Variants in CADM2 observed in about 807,000 individuals in gnomAD.
The protein encoded by CADM2 is cell adhesion molecule 2.
In CADM2, 12 loss-of-function variants were observed where a neutral mutation model predicts 49.8. That is an observed-to-expected ratio of 0.24 (90% confidence interval 0.15 to 0.39). The LOEUF is 0.39. Among genes scored for constraint, CADM2 ranks in the 10% least tolerant of loss-of-function variants. The pLI, the probability that CADM2 is intolerant of heterozygous loss-of-function variation, is 1.00. For missense variants in CADM2, 378 were observed against 492.3 expected, an observed-to-expected ratio of 0.77 and a Z score of 2.20; for synonymous variants, 214 against 175.4, an observed-to-expected ratio of 1.22 and a Z score of -1.74.
intron 1 of CADM2, among the ~76,000 whole-genome samples, chr3:85,082,077 ATTG>A (rs761359628): frequency 2.6e-5 from 4 of 152,140 alleles, no homozygotes; most frequent in African/African-American, 9.6e-5. Flanking sequence ...GAAATAGAAA[ATTG>A]TTATTATTAG....
intron 1 of CADM2, among the ~76,000 whole-genome samples, chr3:85,365,208 T>TTTTC (rs2032676292): frequency 6.7e-6 from 1 of 148,874 alleles, no homozygotes; most frequent in Non-Finnish European, 1.5e-5. Context: ...ACTTTTTTTT[T>TTTTC]TTTTTTAGAT....
At chr3:84,984,525 C>T (rs2032431599) in intron 1 of CADM2, among the ~76,000 whole-genome samples, 1 of 151,432 alleles carries the variant, frequency 6.6e-6, no homozygotes, top group South Asian at 2.1e-4. Flanking sequence ...TTTACTACTG[C>T]TACATTCTCT....
intron 3 of CADM2, among the ~76,000 whole-genome samples, chr3:85,852,133 A>G (rs1418824967): frequency 6.6e-6 from 1 of 152,066 alleles, no homozygotes; most frequent in African/African-American, 2.4e-5. Context: ...ATTTTCATTT[A>G]TTCTGTACAG....
intron 1 of CADM2, among the ~76,000 whole-genome samples, chr3:85,236,997 T>C (rs898304638): frequency 2.6e-5 from 4 of 152,082 alleles, no homozygotes; most frequent in African/African-American, 9.7e-5. Context: ...GTTTGTTGAA[T>C]GAATAACAAT....
chr3:84,983,203 G>A (rs529840278), intron 1 of CADM2, among the ~76,000 whole-genome samples: 41 of 152,012 alleles, frequency 2.7e-4, no homozygotes, highest in African/African-American at 8.4e-4. Context: ...CTCACTAAAA[G>A]ACCATTTAAA....
chr3:85,356,544 C>A (rs2031877146), intron 1 of CADM2, among the ~76,000 whole-genome samples: 1 of 152,020 alleles, frequency 6.6e-6, no homozygotes, highest in South Asian at 2.1e-4. Context: ...ACAATGAGAT[C>A]TGCGTTTTGA....
intron 1 of CADM2, among the ~76,000 whole-genome samples, chr3:85,055,986 CA>C (rs1356866708): frequency 1.3e-5 from 2 of 151,998 alleles, no homozygotes; most frequent in Non-Finnish European, 2.9e-5. Context: ...AGTATTGTAA[CA>C]AAAGGTCAGT....
chr3:85,209,124 T>C (rs2041718267), intron 1 of CADM2, among the ~76,000 whole-genome samples: 2 of 152,144 alleles, frequency 1.3e-5, no homozygotes, highest in South Asian at 4.1e-4. Context: ...CTGTGATTTG[T>C]TTTTCCTCCA....
chr3:85,677,082 G>A (rs920541903), intron 1 of CADM2, among the ~76,000 whole-genome samples: 1 of 152,044 alleles, frequency 6.6e-6, no homozygotes, highest in Non-Finnish European at 1.5e-5. Flanking sequence ...AATTAAATTA[G>A]CTTTTCTCAG....
At chr3:85,384,119 T>C (rs1366066688) in intron 1 of CADM2, among the ~76,000 whole-genome samples, 3 of 152,190 alleles carry the variant, frequency 2.0e-5, no homozygotes, top group Admixed American at 6.5e-5. Context: ...CATATTCTAC[T>C]TCTACATTCT....
intron 1 of CADM2, among the ~76,000 whole-genome samples, chr3:85,225,603 G>T (rs952401020): frequency 6.6e-6 from 1 of 152,084 alleles, no homozygotes; most frequent in African/African-American, 2.4e-5. Context: ...TCTTTCTCTT[G>T]TCTGATTGCC....
In CADM2 at chr3:85,406,313, T is replaced by A. The variant is rs1343145864; in HGVS notation, c.62-320209T>A. ...AATACTTACTAAAAATCTGAAACTT[T>A]CACTGAGAAGATACTATATTTTTAC... On this transcript the variant is annotated intron_variant, in intron 1 of 9. Transcript: ENST00000383699. 2.6e-5 allele frequency among the ~76,000 whole-genome samples: 4 copies of A among 152,260 alleles called. No homozygotes were observed. In the East Asian group the frequency reaches 7.7e-4, roughly 29 times the overall value.
At chr3:85,996,055 A>G (rs1476257968) in intron 8 of CADM2, among the ~76,000 whole-genome samples, 1 of 151,380 alleles carries the variant, frequency 6.6e-6, no homozygotes, top group African/African-American at 2.4e-5. Context: ...GTGCCACTGC[A>G]CTCCAGCCTG....
chr3:85,102,248 T>C (rs563881225), intron 1 of CADM2, among the ~76,000 whole-genome samples: 72 of 152,278 alleles, frequency 4.7e-4, no homozygotes, highest in African/African-American at 1.7e-3. Flanking sequence ...CCTCATTTGC[T>C]TAGGCTATTC....
At chr3:85,514,183 A>G (rs1223781293) in intron 1 of CADM2, among the ~76,000 whole-genome samples, 2 of 152,016 alleles carry the variant, frequency 1.3e-5, no homozygotes, top group Middle Eastern at 3.2e-3. Context: ...GAACTATCAG[A>G]ATGATGTGCT....
At chr3:85,763,656 C>CGAA (rs2069507565) in intron 2 of CADM2, among the ~76,000 whole-genome samples, 1 of 152,160 alleles carries the variant, frequency 6.6e-6, no homozygotes, top group Non-Finnish European at 1.5e-5. Flanking sequence ...TCCTGCTAAA[C>CGAA]GTTATCCATC....
At chr3:85,619,859 A>G (rs1206916264) in intron 1 of CADM2, among the ~76,000 whole-genome samples, 1 of 152,222 alleles carries the variant, frequency 6.6e-6, no homozygotes, top group Non-Finnish European at 1.5e-5. Flanking sequence ...CATTGCTTGT[A>G]TAAGAGCAAA....
chr3:85,467,671 A>G (rs1418001800), intron 1 of CADM2, among the ~76,000 whole-genome samples: 4 of 152,196 alleles, frequency 2.6e-5, no homozygotes, highest in African/African-American at 9.6e-5. Flanking sequence ...AGAAATTACT[A>G]ATTGTGAGCT....
chr3:85,452,938 GAC>G (rs2037819333), intron 1 of CADM2, among the ~76,000 whole-genome samples: 1 of 152,064 alleles, frequency 6.6e-6, no homozygotes, highest in South Asian at 2.1e-4. Flanking sequence ...CAAACGCACA[GAC>G]ACACAATCAC....
Sources: gnomAD v4.1 joint callset for allele counts (sites outside exome capture counted in the v4.1 genomes callset) on GRCh38, gnomAD v4.1.1 for gene constraint, MANE v1.5 for transcripts, NCBI Gene and HGNC (gene_info 2026-07-23, HGNC 2026-07-21) for gene names.